Variants in PSMD1 observed in about 807,000 individuals in gnomAD.
The protein encoded by PSMD1 is 26S proteasome non-ATPase regulatory subunit 1.
A neutral mutation model predicts 119.0 loss-of-function variants in PSMD1; 18 were observed. That is an observed-to-expected ratio of 0.15 (90% CI 0.10 to 0.22). The LOEUF is 0.22. Among genes scored for constraint, PSMD1 ranks in the 10% least tolerant of loss-of-function variants. The pLI is 1.00. For missense variants in PSMD1, 702 were observed against 1,158.5 expected (o/e 0.61, Z 5.72); for synonymous variants, 374 against 396.6 (o/e 0.94, Z 0.68).
At position 231,063,709 on chromosome 2, in the gene PSMD1, C is replaced by T. The variant is rs1479851162; in HGVS notation, c.304+1034C>T. Reference sequence around the variant, plus strand: ...TGAATTGAGCTGTCATCTGTGAATCCAGTGGGAAGAACTGATGGCTTAAAA... The same window carrying T: ...TGAATTGAGCTGTCATCTGTGAATCTAGTGGGAAGAACTGATGGCTTAAAA... On this transcript the variant is annotated intron_variant, in intron 4 of 24. Transcript: ENST00000308696. Among the ~76,000 whole-genome samples the T allele has an allele frequency of 2.0e-5, 3 of 152,326 alleles. No individual in the cohort carries two copies. The South Asian group carries it at 6.2e-4, about 32-fold the overall frequency.
intron 23 of PSMD1, among the ~76,000 whole-genome samples, chr2:231,166,843 G>A (rs1696797582): frequency 1.3e-5 from 2 of 152,136 alleles, no homozygotes. Context: ...ATTGTGAGTC[G>A]GGGTCTTAAC....
chr2:231,090,438 A>G (rs1445893521), intron 16 of PSMD1, among the ~76,000 whole-genome samples: 2 of 152,196 alleles, frequency 1.3e-5, no homozygotes. Flanking sequence ...AGGTGCCTGT[A>G]ATCCCAGCTA....
chr2:231,077,132 T>C lies in PSMD1; in HGVS notation c.1041T>C (p.Asn347=). ...TGCAGTTCTTAATACGAAACAATAATACAGACCTCATGATTCTAAAAAACA... is the reference window on the plus strand; with the variant it reads ...TGCAGTTCTTAATACGAAACAATAACACAGACCTCATGATTCTAAAAAACA... ...LHLQFLIRNN[N]TDLMILKNTK... is the part of the protein sequence containing the mutation. The change falls in exon 9 of 25, where the codon AAT becomes AAC. Residue 347 remains asparagine (N), a synonymous_variant. Coordinates refer to ENST00000308696, the MANE Select transcript of PSMD1 (RefSeq NM_002807.4). The C allele has an allele frequency of 3.8e-6, 6 of 1,569,988 alleles. No homozygotes were observed. Among genetic ancestry groups the C allele is most frequent in the Non-Finnish European group, 5.2e-6 (6 of 1,153,960 alleles).
chr2:231,056,917 C>A lies in PSMD1; in HGVS notation c.-109C>A. 1.4e-6 allele frequency: 2 copies of A among 1,442,996 alleles called. No individual in the cohort carries two copies. Among genetic ancestry groups the A allele is most frequent in the Non-Finnish European group, 1.9e-6 (2 of 1,065,070 alleles). The allele number at this position is 1,442,996 out of a possible 1,614,324, so 89.4% of individuals were successfully genotyped here. A position where few individuals can be genotyped will look rare whatever the true frequency, so the allele number is the denominator to read the frequency against. On this transcript the variant is annotated 5_prime_UTR_variant, in exon 1 of 25. Coordinates refer to ENST00000308696, the MANE Select transcript of PSMD1 (RefSeq NM_002807.4). Reference sequence around the variant, plus strand: ...CCTGAGGAGGCGACTGACTGAGCAGCGCACCCGGGGAGCAAGGAGGCGCGG... The same window carrying A: ...CCTGAGGAGGCGACTGACTGAGCAGAGCACCCGGGGAGCAAGGAGGCGCGG...
At chr2:231,100,841 G>A (rs1470998002) in intron 16 of PSMD1, among the ~76,000 whole-genome samples, 1 of 152,200 alleles carries the variant, frequency 6.6e-6, no homozygotes, top group Middle Eastern at 3.4e-3. Flanking sequence ...CAATCCCCTC[G>A]AACTTGGAAA....
chr2:231,108,876 C>T (rs1402486562), intron 16 of PSMD1: 1 of 1,614,060 alleles, frequency 6.2e-7, no homozygotes, highest in South Asian at 1.1e-5. Context: ...ACAAATATCT[C>T]CAGGAGCATT....
intron 1 of PSMD1, chr2:231,060,365 T>A (rs1693725531): frequency 2.0e-5 from 3 of 152,242 alleles, no homozygotes; most frequent in Non-Finnish European, 4.4e-5. Flanking sequence ...AATGGCTACA[T>A]CTAACTAAGT....
chr2:231,078,801 T>TC lies in PSMD1; in HGVS notation c.1160+54_1160+55insC, dbSNP rs1278003040. On this transcript the variant is annotated intron_variant, in intron 10 of 24. Coordinates refer to ENST00000308696, the MANE Select transcript of PSMD1 (RefSeq NM_002807.4). ...GTTCAAAATCTTTTTCTTTTTTTTT[T>TC]TTTTTTTTTTTTTTGTGCAGTCTTA... The TC allele has an allele frequency of 1.9e-5, 26 of 1,340,064 alleles. No homozygotes were observed. In the African/African-American group the frequency reaches 3.0e-4, roughly 15 times the overall value. The allele number at this position is 1,340,064 out of a possible 1,614,324, so 83.0% of individuals were successfully genotyped here.
intron 16 of PSMD1, among the ~76,000 whole-genome samples, chr2:231,095,357 A>G (rs1694699204): frequency 1.3e-5 from 2 of 152,212 alleles, no homozygotes; most frequent in African/African-American, 2.4e-5. Context: ...ATTGACCAGG[A>G]AATTAGCATG....
chr2:231,159,891 C>A (rs1212368317), intron 19 of PSMD1, among the ~76,000 whole-genome samples: 3 of 152,214 alleles, frequency 2.0e-5, no homozygotes, highest in African/African-American at 7.2e-5. Flanking sequence ...GAACGTTCAG[C>A]CTAGATCCCT....
At chr2:231,078,520 A>T in intron 9 of PSMD1, 139 bp from the exon 10 acceptor site, 1 of 474,512 alleles carries the variant, frequency 2.1e-6, no homozygotes, top group Non-Finnish European at 3.6e-6. Flanking sequence ...TAAAAGAAAT[A>T]CCCAAGATCC....
intron 16 of PSMD1, among the ~76,000 whole-genome samples, chr2:231,117,940 C>T (rs1695400000): frequency 6.6e-6 from 1 of 152,024 alleles, no homozygotes; most frequent in African/African-American, 2.4e-5. Flanking sequence ...GTTCTGTATG[C>T]CAAATATGAC....
chr2:231,108,998 GCT>G, intron 16 of PSMD1: 1 of 1,614,156 alleles, frequency 6.2e-7, no homozygotes, highest in African/African-American at 1.3e-5. Context: ...GACCTTTGAG[GCT>G]CTCTGTTCGT....
chr2:231,138,928 C>A, intron 17 of PSMD1, 78 bp downstream of exon 17: 2 of 1,050,158 alleles, frequency 1.9e-6, no homozygotes, highest in African/African-American at 1.6e-5. Flanking sequence ...TATGTAACAG[C>A]TGTAAAAATA....
At chr2:231,094,359 C>T (rs941427837) in intron 16 of PSMD1, among the ~76,000 whole-genome samples, 1 of 152,120 alleles carries the variant, frequency 6.6e-6, no homozygotes, top group Non-Finnish European at 1.5e-5. Flanking sequence ...TGCCATAAGC[C>T]AATGGGCCAG....
chr2:231,057,066 C>T, intron 1 of PSMD1, 25 bp downstream of exon 1: 1 of 1,504,762 alleles, frequency 6.6e-7, no homozygotes, highest in Non-Finnish European at 8.9e-7. Flanking sequence ...TAGCCAGCGC[C>T]TGGAGGGAGG....
rs533410858 is a variant in PSMD1, at chr2:231,090,609, C to T, written c.1883+3428C>T. 3.9e-5 allele frequency among the ~76,000 whole-genome samples: 6 copies of T among 152,272 alleles called. No individual in the cohort carries two copies. The East Asian group carries it at 1.2e-3, about 29-fold the overall frequency. On this transcript the variant is annotated intron_variant, in intron 16 of 24. Transcript: ENST00000308696. Reference sequence around the variant, plus strand: ...GACTAGCTGCCATAAAACGTGATTCCTCTGATGGCTCTGGGCAAAGTAAAT... The same window carrying T: ...GACTAGCTGCCATAAAACGTGATTCTTCTGATGGCTCTGGGCAAAGTAAAT...
intron 17 of PSMD1, among the ~76,000 whole-genome samples, chr2:231,139,540 C>A (rs1292719401): frequency 1.5e-5 from 2 of 136,700 alleles, no homozygotes; most frequent in Non-Finnish European, 3.0e-5. Context: ...AGCCACTGTG[C>A]CTGGCCCATT....
At chr2:231,167,560 A>G (rs1355941648) in intron 23 of PSMD1, among the ~76,000 whole-genome samples, 1 of 151,724 alleles carries the variant, frequency 6.6e-6, no homozygotes, top group Non-Finnish European at 1.5e-5. Context: ...TGTTGAAGGT[A>G]TAGCCCTACA....
Sources: allele counts gnomAD v4.1 joint callset (sites outside exome capture counted in the v4.1 genomes callset), GRCh38; gene constraint gnomAD v4.1.1; transcripts MANE v1.5; gene names NCBI Gene and HGNC (gene_info 2026-07-23, HGNC 2026-07-21).